Variants in DLGAP1 observed in about 807,000 individuals in gnomAD.
DLGAP1 encodes DLG associated protein 1.
Under a neutral mutation model 90.8 loss-of-function variants are expected in DLGAP1, and 11 were observed. The observed-to-expected ratio is 0.12, with a 90% confidence interval of 0.08 to 0.20. The LOEUF (loss-of-function observed/expected upper bound fraction) is 0.20, where lower values mean the gene tolerates loss of function less well. Ranked by LOEUF, DLGAP1 falls within the 10% of genes least tolerant of loss-of-function variation. The probability of loss-of-function intolerance (pLI) is 1.00; values close to 1 mark genes in which losing one functional copy is unlikely to be tolerated. For synonymous variants in DLGAP1, 558 were observed against 540.7 expected (o/e 1.03, Z -0.44); for missense variants, 1,050 against 1,333.8 (o/e 0.79, Z 3.31).
At chr18:4,395,011 G>T (rs553754664) in intron 1 of DLGAP1, among the ~76,000 whole-genome samples, 1 of 152,314 alleles carries the variant, frequency 6.6e-6, no homozygotes, top group South Asian at 2.1e-4. Context: ...AGAAAATGGT[G>T]TTTGAACAAA....
chr18:4,313,502 G>GA (rs1181350140), intron 1 of DLGAP1, among the ~76,000 whole-genome samples: 2 of 152,152 alleles, frequency 1.3e-5, no homozygotes, highest in Non-Finnish European at 2.9e-5. Flanking sequence ...TTATTCTTGT[G>GA]AATAGGGAGA....
intron 1 of DLGAP1, among the ~76,000 whole-genome samples, chr18:4,191,223 C>T (rs1382179202): frequency 6.6e-6 from 1 of 152,054 alleles, no homozygotes; most frequent in Admixed American, 6.6e-5. Context: ...GATTTTGTTT[C>T]TACACATTTC....
intron 2 of DLGAP1, among the ~76,000 whole-genome samples, chr18:4,050,564 TAATACTCAA>T (rs1346976050): frequency 1.3e-5 from 2 of 152,224 alleles, no homozygotes; most frequent in Non-Finnish European, 2.9e-5. Flanking sequence ...TCCACGTTAT[TAATACTCAA>T]TGGAAACTTG....
At chr18:4,044,958 C>T (rs1474031587) in intron 2 of DLGAP1, among the ~76,000 whole-genome samples, 4 of 152,094 alleles carry the variant, frequency 2.6e-5, no homozygotes, top group Admixed American at 6.5e-5. Context: ...ATATCACCAC[C>T]TCCTCTTCCC....
At chr18:3,571,830 G>A (rs1205051631) in intron 8 of DLGAP1, among the ~76,000 whole-genome samples, 2 of 152,108 alleles carry the variant, frequency 1.3e-5, no homozygotes, top group African/African-American at 2.4e-5. Context: ...CCGGCCGCCT[G>A]GAGGTCTTAT....
chr18:4,032,528 A>T (rs1239606316), intron 2 of DLGAP1, among the ~76,000 whole-genome samples: 1 of 150,800 alleles, frequency 6.6e-6, no homozygotes, highest in Admixed American at 6.6e-5. Context: ...CTGGCCTTAT[A>T]TCTAATTGTT....
chr18:3,632,851 G>C (rs550789856), intron 7 of DLGAP1, among the ~76,000 whole-genome samples: 2 of 152,212 alleles, frequency 1.3e-5, no homozygotes, highest in South Asian at 4.2e-4. Context: ...GCTGAGGTTT[G>C]AATGAGAGCT....
chr18:4,433,875 C>T (rs1024269368), intron 1 of DLGAP1, among the ~76,000 whole-genome samples: 2 of 152,140 alleles, frequency 1.3e-5, no homozygotes, highest in Admixed American at 6.6e-5. Flanking sequence ...TGATTCATTG[C>T]TGCGTAAGGA....
chr18:3,662,887 A>G (rs1427554831), intron 7 of DLGAP1, among the ~76,000 whole-genome samples: 1 of 152,192 alleles, frequency 6.6e-6, no homozygotes, highest in East Asian at 1.9e-4. Flanking sequence ...TACCTTTTTC[A>G]TATTGAGAGG....
chr18:4,054,574 T>G (rs1291962958), intron 2 of DLGAP1, among the ~76,000 whole-genome samples: 1 of 152,204 alleles, frequency 6.6e-6, no homozygotes, highest in African/African-American at 2.4e-5. Context: ...GGTGTAAGTA[T>G]TAAGGTGAAT....
At chr18:3,898,060 C>A (rs911470320) in intron 3 of DLGAP1, among the ~76,000 whole-genome samples, 1 of 152,134 alleles carries the variant, frequency 6.6e-6, no homozygotes, top group Non-Finnish European at 1.5e-5. Context: ...TCCCAAAGTG[C>A]TGGGATTACA....
chr18:3,689,592 G>A (rs988304026), intron 7 of DLGAP1, among the ~76,000 whole-genome samples: 2 of 152,054 alleles, frequency 1.3e-5, no homozygotes, highest in African/African-American at 4.8e-5. Context: ...GTGGAGAATT[G>A]CTACCCACCT....
At chr18:4,265,654 TCCC>T (rs1568480294) in intron 1 of DLGAP1, among the ~76,000 whole-genome samples, 19 of 39,590 alleles carry the variant, frequency 4.8e-4, no homozygotes, top group African/African-American at 4.5e-3. Context: ...CCTCCCTCCC[TCCC>T]TCCCTCCCTT....
At chr18:4,227,803 A>G (rs1295246727) in intron 1 of DLGAP1, among the ~76,000 whole-genome samples, 2 of 151,800 alleles carry the variant, frequency 1.3e-5, no homozygotes, top group African/African-American at 4.8e-5. Context: ...TCAGACAAGC[A>G]AGAGCAAACC....
chr18:3,701,385 G>A (rs1358906986), intron 7 of DLGAP1, among the ~76,000 whole-genome samples: 7 of 152,154 alleles, frequency 4.6e-5, no homozygotes, highest in Non-Finnish European at 8.8e-5. Context: ...AAGCAATCAC[G>A]TCCCTCCCTA....
At chr18:3,741,778 G>A (rs1283135054) in intron 6 of DLGAP1, among the ~76,000 whole-genome samples, 2 of 151,952 alleles carry the variant, frequency 1.3e-5, no homozygotes, top group African/African-American at 4.8e-5. Flanking sequence ...TGCCAGATTA[G>A]TTATCCTATG....
intron 7 of DLGAP1, among the ~76,000 whole-genome samples, chr18:3,610,678 C>CA (rs567516917): frequency 0.042 from 5,951 of 141,620 alleles, 117 homozygotes; most frequent in African/African-American, 0.057. Flanking sequence ...ACTAAAAATA[C>CA]AAAAAAAAAA....
chr18:3,834,305 C>CAAAA (rs35630074), intron 4 of DLGAP1, among the ~76,000 whole-genome samples: 42 of 33,114 alleles, frequency 1.3e-3, no homozygotes, highest in Non-Finnish European at 1.4e-3. Context: ...GACTCTGTCT[C>CAAAA]AAAAAAAAAA....
chr18:3,992,626 C>T (rs762977657), intron 3 of DLGAP1, among the ~76,000 whole-genome samples: 8 of 152,016 alleles, frequency 5.3e-5, no homozygotes, highest in South Asian at 2.1e-4. Flanking sequence ...TGCAGTGAGC[C>T]GTGATTATGC....
Sources: allele counts gnomAD v4.1 joint callset (sites outside exome capture counted in the v4.1 genomes callset), GRCh38; gene constraint gnomAD v4.1.1; transcripts MANE v1.5; gene names NCBI Gene and HGNC (gene_info 2026-07-23, HGNC 2026-07-21).